The following EFCAB11 variants were observed in gnomAD, a reference collection of about 807,000 sequenced individuals.
EFCAB11 encodes EF-hand calcium binding domain 11.
In EFCAB11, 14 loss-of-function variants were observed where a neutral mutation model predicts 23.0. The observed-to-expected ratio is 0.61, with a 90% confidence interval of 0.40 to 0.95. EFCAB11 has a LOEUF of 0.95. EFCAB11 is among the 40% of genes least tolerant of loss of function. EFCAB11 has a pLI of 0.00. For missense variants in EFCAB11, 198 were observed against 195.8 expected (o/e 1.01, Z -0.07); for synonymous variants, 65 against 66.6 (o/e 0.98, Z 0.11).
chr14:89,827,254 A>C (rs913917600), intron 5 of EFCAB11, among the ~76,000 whole-genome samples: 2 of 152,158 alleles, frequency 1.3e-5, no homozygotes, highest in African/African-American at 4.8e-5. Context: ...GTGGAGCTGG[A>C]ACCCAGACCC....
At chr14:89,818,523 C>T (rs1042756487) in intron 5 of EFCAB11, among the ~76,000 whole-genome samples, 1 of 152,102 alleles carries the variant, frequency 6.6e-6, no homozygotes, top group African/African-American at 2.4e-5. Context: ...ACCCATTAAT[C>T]TTATTTCTGA....
chr14:89,878,104 G>A (rs1033953615), intron 5 of EFCAB11, among the ~76,000 whole-genome samples: 1 of 152,166 alleles, frequency 6.6e-6, no homozygotes, highest in African/African-American at 2.4e-5. Flanking sequence ...GAGATTCTAT[G>A]ATTTCAAAAG....
intron 5 of EFCAB11, among the ~76,000 whole-genome samples, chr14:89,926,669 C>T (rs1890204322): frequency 6.6e-6 from 1 of 152,188 alleles, no homozygotes; most frequent in African/African-American, 2.4e-5. Flanking sequence ...CTTAAAAGGA[C>T]TTCCAAAATA....
chr14:89,795,114 A>AGCAG lies in EFCAB11; in HGVS notation c.*2128_*2129insCTGC, dbSNP rs1885535234. The AGCAG allele has an allele frequency of 6.6e-6, 1 of 150,916 alleles. No homozygotes were observed. The highest frequency in any genetic ancestry group is 2.4e-5 in the African/African-American group (1 of 41,048). 9.3% of individuals were successfully genotyped at this position (150,916 alleles called of 1,614,324 possible). ...TGCCTCAGCCTCCCGAGCAGCTGGG[A>AGCAG]CTACAGGCACCTGCCACCACGCCCA... On this transcript the variant is annotated 3_prime_UTR_variant, in exon 6 of 6. Coordinates refer to ENST00000316738, the MANE Select transcript of EFCAB11 (RefSeq NM_145231.4).
In EFCAB11 at chr14:89,954,625, C is replaced by T. The variant is rs35104576; in HGVS notation, c.36G>A (p.Thr12=). 21 of 1,613,590 alleles carry T rather than the reference C, an allele frequency of 1.3e-5. No individual in the cohort carries two copies. The highest frequency in any genetic ancestry group is 1.7e-5 in the Admixed American group (1 of 60,014). Residue 12 remains threonine (T), a synonymous_variant, in exon 1 of 6, where the codon ACG becomes ACA. Transcript: ENST00000316738. The stretch of plus-strand genomic sequence containing the variant: ...TGTGTTCCGAGGGACTGGCTTCCCA[C>T]GTCCGCGACCTGGCTCTGGCCTCGG... ...FFSEARARSR[T]WEASPSEHRK...
rs182116275 is a variant in EFCAB11 at position 89,870,271 on chromosome 14, C to T, written c.410+61270G>A. On this transcript the variant is annotated intron_variant, in intron 5 of 5. Coordinates refer to ENST00000316738, the MANE Select transcript of EFCAB11 (RefSeq NM_145231.4). ...GGAAAATACCAGAGCACTTAGTCTGCAATAATTTCATGATCTATCTACTAT... is the reference window on the plus strand; with the variant it reads ...GGAAAATACCAGAGCACTTAGTCTGTAATAATTTCATGATCTATCTACTAT... Among the ~76,000 whole-genome samples, 8 of 152,286 alleles carry T rather than the reference C, an allele frequency of 5.3e-5. 1 individual carries two copies. The East Asian group carries it at 1.4e-3, about 26-fold the overall frequency.
chr14:89,877,795 T>C (rs1020568604), intron 5 of EFCAB11, among the ~76,000 whole-genome samples: 1 of 152,312 alleles, frequency 6.6e-6, no homozygotes, highest in Admixed American at 6.5e-5. Flanking sequence ...AATCAGAGTA[T>C]CTCAAAAGGC....
At position 89,858,377 on chromosome 14, in the gene EFCAB11, C is replaced by G. The variant is rs138476183; in HGVS notation, c.411-61053G>C. Among the ~76,000 whole-genome samples, 3 of 152,318 alleles carry G rather than the reference C, an allele frequency of 2.0e-5. No homozygotes were observed. The East Asian group carries it at 5.8e-4, about 29-fold the overall frequency. On this transcript the variant is annotated intron_variant, in intron 5 of 5. Coordinates refer to ENST00000316738, the MANE Select transcript of EFCAB11 (RefSeq NM_145231.4). Reference sequence around the variant, plus strand: ...CTCCCAGATTCCTGACCCACAGATACTGGAGAGATACTAAATGTTTATTGT... The same window carrying G: ...CTCCCAGATTCCTGACCCACAGATAGTGGAGAGATACTAAATGTTTATTGT...
chr14:89,902,940 A>G (rs1889386773), intron 5 of EFCAB11, among the ~76,000 whole-genome samples: 2 of 152,246 alleles, frequency 1.3e-5, no homozygotes, highest in African/African-American at 2.4e-5. Flanking sequence ...AGTATAAGAG[A>G]TAGCAAGAGG....
Position 89,954,685 on chromosome 14 carries a change from G to A in EFCAB11, c.-25C>T, listed in dbSNP as rs1472387607. ...TCGCGACTACAACAACCGAGCCCCA[G>A]CAACCCAACCAGCTACCACCGCTTT... On this transcript the variant is annotated 5_prime_UTR_variant, in exon 1 of 6. Transcript: ENST00000316738. 2 of 1,605,968 alleles carry A rather than the reference G, an allele frequency of 1.2e-6. No individual in the cohort carries two copies. The highest frequency in any genetic ancestry group is 8.5e-7 in the Non-Finnish European group (1 of 1,178,074).
intron 5 of EFCAB11, among the ~76,000 whole-genome samples, chr14:89,929,568 T>A (rs1241750560): frequency 1.3e-5 from 2 of 152,040 alleles, no homozygotes; most frequent in Non-Finnish European, 2.9e-5. Flanking sequence ...GTCTTTTTAG[T>A]AGACATGGGG....
chr14:89,924,343 T>TTACATCATCATGTGGCAA (rs1890119714), intron 5 of EFCAB11: 1 of 1,115,302 alleles, frequency 9.0e-7, no homozygotes, highest in Non-Finnish European at 1.1e-6. Flanking sequence ...TATTGCCACT[T>TTACATCATCATGTGGCAA]TACATCATCA....
chr14:89,929,203 G>A (rs1342760747), intron 5 of EFCAB11, among the ~76,000 whole-genome samples: 1 of 151,750 alleles, frequency 6.6e-6, no homozygotes, highest in Non-Finnish European at 1.5e-5. Flanking sequence ...ACAGGTATAT[G>A]CCACCATACC....
At chr14:89,802,793 T>C (rs2140077500) in intron 5 of EFCAB11, among the ~76,000 whole-genome samples, 1 of 152,352 alleles carries the variant, frequency 6.6e-6, no homozygotes, top group African/African-American at 2.4e-5. Flanking sequence ...GGGTTTTGGG[T>C]AATTCTGTCT....
intron 3 of EFCAB11, among the ~76,000 whole-genome samples, chr14:89,937,834 T>C (rs1596465977): frequency 1.3e-5 from 2 of 152,130 alleles, no homozygotes; most frequent in East Asian, 1.9e-4. Flanking sequence ...AACATGTACA[T>C]ATTTTTTAGT....
intron 5 of EFCAB11, among the ~76,000 whole-genome samples, chr14:89,883,241 C>T (rs1254221973): frequency 6.6e-6 from 1 of 152,188 alleles, no homozygotes; most frequent in South Asian, 2.1e-4. Flanking sequence ...TATTCTAGTA[C>T]ATCTTTGAAT....
chr14:89,807,565 T>C (rs1445240638), intron 5 of EFCAB11, among the ~76,000 whole-genome samples: 1 of 152,252 alleles, frequency 6.6e-6, no homozygotes, highest in African/African-American at 2.4e-5. Flanking sequence ...AAATGTGAAC[T>C]ATAAATATCA....
intron 5 of EFCAB11, among the ~76,000 whole-genome samples, chr14:89,809,463 T>A (rs76447827): frequency 6.6e-6 from 1 of 152,178 alleles, no homozygotes; most frequent in East Asian, 1.9e-4. Context: ...ACATCATTGA[T>A]TACGGAGCAT....
At chr14:89,953,126 C>G (rs766975685) in intron 2 of EFCAB11, among the ~76,000 whole-genome samples, 5 of 151,246 alleles carry the variant, frequency 3.3e-5, no homozygotes, top group African/African-American at 9.7e-5. Flanking sequence ...CATGACCTAG[C>G]AGTTATACTT....
Sources: allele counts gnomAD v4.1 joint callset (sites outside exome capture counted in the v4.1 genomes callset), GRCh38; gene constraint gnomAD v4.1.1; transcripts MANE v1.5; gene names NCBI Gene and HGNC (gene_info 2026-07-23, HGNC 2026-07-21).